The following SOX6 variants were observed in gnomAD, a reference collection of about 807,000 sequenced individuals.
SOX6 encodes the protein transcription factor SOX-6.
SOX6 carries 11 observed loss-of-function variants against 97.8 expected under a neutral mutation model. That is an observed-to-expected ratio of 0.11 (90% CI 0.07 to 0.19). The LOEUF is 0.19. Among genes scored for constraint, SOX6 ranks in the 10% least tolerant of loss-of-function variants. SOX6 has a pLI of 1.00. For synonymous variants in SOX6, 360 were observed against 371.4 expected (o/e 0.97, Z 0.35); for missense variants, 810 against 1,039.5 (o/e 0.78, Z 3.04).
intron 1 of SOX6, among the ~76,000 whole-genome samples, chr11:16,350,793 A>G (rs112870812): frequency 6.6e-6 from 1 of 152,144 alleles, no homozygotes; most frequent in African/African-American, 2.4e-5. Flanking sequence ...TGTATATTTC[A>G]TGAGGACAGG....
chr11:15,989,508 T>C (rs766301241), intron 13 of SOX6, among the ~76,000 whole-genome samples: 30 of 152,178 alleles, frequency 2.0e-4, no homozygotes, highest in Non-Finnish European at 3.7e-4. Context: ...TGAATGACAT[T>C]ACCTTATGGT....
intron 4 of SOX6, among the ~76,000 whole-genome samples, chr11:16,583,631 A>ATATATATATATATATATATG (rs1848060075): frequency 2.1e-5 from 3 of 139,970 alleles, no homozygotes; most frequent in African/African-American, 7.7e-5. Flanking sequence ...ATATATATAT[A>ATATATATATATATATATATG]TATATACACA....
chr11:16,159,141 T>C (rs959110493), intron 6 of SOX6, among the ~76,000 whole-genome samples: 2 of 152,062 alleles, frequency 1.3e-5, no homozygotes, highest in South Asian at 2.1e-4. Context: ...ATCATCAAAC[T>C]GTTTATTAGT....
chr11:16,575,787 G>T (rs536122319), intron 4 of SOX6, among the ~76,000 whole-genome samples: 1 of 152,170 alleles, frequency 6.6e-6, no homozygotes, highest in South Asian at 2.1e-4. Flanking sequence ...GAGTATGGGG[G>T]TGTAATTGGG....
chr11:16,715,886 T>C (rs1249445961), intron 2 of SOX6, among the ~76,000 whole-genome samples: 2 of 152,146 alleles, frequency 1.3e-5, no homozygotes, highest in Non-Finnish European at 2.9e-5. Flanking sequence ...TGATAGGTAG[T>C]AAGAAATTTC....
chr11:16,180,411 A>T (rs1851316246), intron 6 of SOX6, among the ~76,000 whole-genome samples: 1 of 151,720 alleles, frequency 6.6e-6, no homozygotes, highest in African/African-American at 2.4e-5. Context: ...AACTCCAAAG[A>T]TCCATATTCC....
At chr11:16,151,398 T>A (rs1193710130) in intron 6 of SOX6, among the ~76,000 whole-genome samples, 1 of 152,214 alleles carries the variant, frequency 6.6e-6, no homozygotes, top group African/African-American at 2.4e-5. Context: ...TATTTACATT[T>A]GGACACTATT....
At chr11:16,127,140 T>C (rs1294830341) in intron 6 of SOX6, among the ~76,000 whole-genome samples, 2 of 152,092 alleles carry the variant, frequency 1.3e-5, no homozygotes, top group African/African-American at 2.4e-5. Context: ...AGAATATGAA[T>C]AGTAGTTTCT....
chr11:16,249,567 T>A (rs1489322661), intron 3 of SOX6, among the ~76,000 whole-genome samples: 1 of 152,216 alleles, frequency 6.6e-6, no homozygotes, highest in Non-Finnish European at 1.5e-5. Flanking sequence ...CTCTGCCTGT[T>A]ATCCAGTTCC....
chr11:16,614,319 A>AG (rs1483359860), intron 3 of SOX6, among the ~76,000 whole-genome samples: 1 of 152,052 alleles, frequency 6.6e-6, no homozygotes, highest in Non-Finnish European at 1.5e-5. Flanking sequence ...CAGTAGACAA[A>AG]GGGACTCAGG....
rs1486605164 is a variant in SOX6, at chr11:16,665,550, G to T, written n.429+49280C>A. Among the ~76,000 whole-genome samples the T allele has an allele frequency of 2.0e-5, 3 of 152,192 alleles. No homozygotes were observed. The South Asian group carries it at 6.2e-4, about 32-fold the overall frequency. Reference sequence around the variant, plus strand: ...GTACAGCACCAGGTAGATTCCTAAGGTTTCTGACTTCAGGCCTTGGCTCCT... The same window carrying T: ...GTACAGCACCAGGTAGATTCCTAAGTTTTCTGACTTCAGGCCTTGGCTCCT... On this transcript the variant is annotated intron_variant and non_coding_transcript_variant, in intron 3 of 5. Coordinates refer to the SOX6 transcript ENST00000524520.
intron 9 of SOX6, among the ~76,000 whole-genome samples, chr11:16,061,216 T>G (rs1847942724): frequency 1.3e-5 from 2 of 151,334 alleles, no homozygotes; most frequent in Non-Finnish European, 3.0e-5. Flanking sequence ...AACTGTTAGC[T>G]TCACTGAACA....
chr11:16,137,004 T>C (rs778416309), intron 6 of SOX6, among the ~76,000 whole-genome samples: 4 of 152,190 alleles, frequency 2.6e-5, no homozygotes, highest in Non-Finnish European at 5.9e-5. Context: ...TTCTACACTG[T>C]CTAAGAAAAA....
chr11:16,199,327 T>C (rs1020038485), intron 4 of SOX6, among the ~76,000 whole-genome samples: 10 of 152,174 alleles, frequency 6.6e-5, no homozygotes, highest in Non-Finnish European at 1.2e-4. Context: ...GCACAAATGA[T>C]CGTCCAAACA....
chr11:16,630,685 T>A (rs1169886551), intron 3 of SOX6, among the ~76,000 whole-genome samples: 1 of 152,234 alleles, frequency 6.6e-6, no homozygotes, highest in Non-Finnish European at 1.5e-5. Context: ...AGTCAGGGTG[T>A]TGAAGTTCCC....
chr11:16,731,263 G>C (rs1848347573), intron 2 of SOX6, among the ~76,000 whole-genome samples: 1 of 152,080 alleles, frequency 6.6e-6, no homozygotes, highest in Non-Finnish European at 1.5e-5. Flanking sequence ...GCATTATCCT[G>C]ATACCAAAAC....
chr11:15,977,834 A>G (rs563568537), intron 15 of SOX6, among the ~76,000 whole-genome samples: 2 of 151,962 alleles, frequency 1.3e-5, no homozygotes, highest in Admixed American at 1.3e-4. Context: ...ACTTTCCTCA[A>G]ATATCCAACT....
chr11:16,232,915 T>A (rs2134173427), intron 4 of SOX6, among the ~76,000 whole-genome samples: 1 of 152,214 alleles, frequency 6.6e-6, no homozygotes, highest in East Asian at 1.9e-4. Context: ...GCAAATGGCC[T>A]TTATGGGTAC....
At chr11:15,995,564 T>C (rs569472469) in intron 13 of SOX6, among the ~76,000 whole-genome samples, 1 of 151,714 alleles carries the variant, frequency 6.6e-6, no homozygotes, top group Non-Finnish European at 1.5e-5. Context: ...GATCAAAAAA[T>C]AAAAATAAAG....
Sources: gnomAD v4.1 joint callset for allele counts (sites outside exome capture counted in the v4.1 genomes callset) on GRCh38, gnomAD v4.1.1 for gene constraint, MANE v1.5 for transcripts, NCBI Gene and HGNC (gene_info 2026-07-23, HGNC 2026-07-21) for gene names.